Variants in OSBPL11 observed in about 807,000 individuals in gnomAD.
The protein encoded by OSBPL11 is oxysterol binding protein like 11, also known as oxysterol-binding protein-related protein 11.
In OSBPL11, 33 loss-of-function variants were observed where a neutral mutation model predicts 84.4. The observed-to-expected ratio is 0.39, with a 90% CI of 0.30 to 0.52. OSBPL11 has a LOEUF of 0.52. OSBPL11 is among the 20% of genes least tolerant of loss of function. The pLI is 0.72. For missense variants in OSBPL11, 736 were observed against 901.1 expected (o/e 0.82, Z 2.35); for synonymous variants, 276 against 310.2 (o/e 0.89, Z 1.16).
chr3:125,552,199 C>A lies in OSBPL11; in HGVS notation c.1636G>T (p.Val546Leu), dbSNP rs779271741. 1 of 1,601,582 alleles carries A rather than the reference C, an allele frequency of 6.2e-7. No homozygotes were observed. Residue 546 changes from valine to leucine, a missense_variant, in exon 9 of 13, where the codon GTG becomes TTG. Val to Leu is a conservative substitution (Grantham distance 32). This residue lies in a region of OSBPL11 where 579 missense variants were observed against 717.6 expected (regional missense o/e 0.81). Transcript: ENST00000296220. ...TACTTACCTTCTCCAACCATTGTCA[C>A]GCCTATTGACATGCCTAAGAACTTG... ...KSKFLGMSIGVTMVGEGILSL... is the reference protein window; with the variant it reads ...KSKFLGMSIGLTMVGEGILSL...
chr3:125,592,348 C>T (rs1368033663), intron 1 of OSBPL11, among the ~76,000 whole-genome samples: 3 of 152,034 alleles, frequency 2.0e-5, no homozygotes, highest in African/African-American at 7.2e-5. Context: ...CAGCCAAAAC[C>T]AAGTACTTAT....
chr3:125,570,611 G>A (rs978990887), intron 5 of OSBPL11, among the ~76,000 whole-genome samples: 1 of 152,146 alleles, frequency 6.6e-6, no homozygotes, highest in Non-Finnish European at 1.5e-5. Context: ...CTGAATTATG[G>A]GGGAAGGTCT....
At chr3:125,559,439 A>G (rs984164975) in intron 8 of OSBPL11, among the ~76,000 whole-genome samples, 7 of 152,078 alleles carry the variant, frequency 4.6e-5, no homozygotes, top group African/African-American at 7.2e-5. Context: ...CCCAGACTGG[A>G]GCGCAGTGGC....
intron 2 of OSBPL11, 97 bp from the exon 3 acceptor site, chr3:125,580,137 C>T (rs547815395): frequency 1.9e-6 from 2 of 1,030,462 alleles, no homozygotes; most frequent in South Asian, 3.2e-5. Flanking sequence ...CAGGGTTTTG[C>T]TCTTAAAAAT....
intron 1 of OSBPL11, among the ~76,000 whole-genome samples, chr3:125,593,492 C>T (rs914822808): frequency 2.0e-5 from 3 of 151,606 alleles, no homozygotes; most frequent in Admixed American, 6.6e-5. Context: ...TGGTGGCGCA[C>T]GCCTGTAATC....
At chr3:125,583,682 G>T (rs1284972272) in intron 1 of OSBPL11, among the ~76,000 whole-genome samples, 2 of 151,614 alleles carry the variant, frequency 1.3e-5, no homozygotes, top group African/African-American at 4.8e-5. Flanking sequence ...CTTGAGCCCA[G>T]GAGTTTGAAA....
intron 1 of OSBPL11, among the ~76,000 whole-genome samples, chr3:125,587,217 C>T (rs376276461): frequency 1.8e-4 from 27 of 152,194 alleles, no homozygotes; most frequent in African/African-American, 6.5e-4. Flanking sequence ...TGAAGTGAGA[C>T]AGAAAGAATG....
chr3:125,533,169 C>T (rs957975443), intron 11 of OSBPL11, among the ~76,000 whole-genome samples: 5 of 148,320 alleles, frequency 3.4e-5, no homozygotes, highest in African/African-American at 1.2e-4. Context: ...TTTCTTTCCT[C>T]CCCCCTTCCT....
intron 9 of OSBPL11, among the ~76,000 whole-genome samples, chr3:125,549,043 T>C (rs374031127): frequency 8.4e-4 from 128 of 151,610 alleles, no homozygotes; most frequent in African/African-American, 2.9e-3. Flanking sequence ...TTTTTTGAAA[T>C]GGAGTTTCAC....
Position 125,594,834 on chromosome 3 carries a change from G to T in OSBPL11, c.-34C>A, listed in dbSNP as rs1422516003. 6 of 1,603,996 alleles carry T rather than the reference G, an allele frequency of 3.7e-6. No homozygotes were observed. On this transcript the variant is annotated 5_prime_UTR_variant, in exon 1 of 13. Coordinates refer to ENST00000296220, the MANE Select transcript of OSBPL11 (RefSeq NM_022776.5). ...CAAAGTCCACTTGCCCTTCTTGAGC[G>T]GGAGAGAACAATTCTGTAGTTCTGT...
At chr3:125,583,608 G>C (rs1040826772) in intron 1 of OSBPL11, among the ~76,000 whole-genome samples, 3 of 129,836 alleles carry the variant, frequency 2.3e-5, no homozygotes, top group East Asian at 2.3e-4. Context: ...AAAAAAAAAA[G>C]GGCTGAGTGC....
chr3:125,563,581 A>T (rs1280861399), intron 7 of OSBPL11, 117 bp downstream of exon 7: 1 of 965,166 alleles, frequency 1.0e-6, no homozygotes, highest in Non-Finnish European at 1.6e-6. Flanking sequence ...TAGAATCTTC[A>T]AGAGTGTTGC....
chr3:125,582,573 G>A (rs1390950356), intron 2 of OSBPL11, among the ~76,000 whole-genome samples: 1 of 152,140 alleles, frequency 6.6e-6, no homozygotes, highest in Non-Finnish European at 1.5e-5. Context: ...CATAAGATGG[G>A]AACCTAACAC....
intron 6 of OSBPL11, among the ~76,000 whole-genome samples, chr3:125,565,012 G>A (rs1034737375): frequency 1.8e-4 from 27 of 152,198 alleles, no homozygotes; most frequent in African/African-American, 6.3e-4. Context: ...AATATCTAGT[G>A]CTGTGTTACT....
chr3:125,575,233 C>T (rs972388389), intron 5 of OSBPL11, among the ~76,000 whole-genome samples: 8 of 151,844 alleles, frequency 5.3e-5, no homozygotes, highest in African/African-American at 1.9e-4. Context: ...TAACAAACTG[C>T]GTGTTTTATT....
chr3:125,578,403 ATTT>A (rs1936364586), intron 4 of OSBPL11, among the ~76,000 whole-genome samples: 1 of 152,044 alleles, frequency 6.6e-6, no homozygotes, highest in South Asian at 2.1e-4. Context: ...GTGGCTCCGG[ATTT>A]TTTATTTTTT....
chr3:125,550,425 AAG>A (rs35797005), intron 9 of OSBPL11, among the ~76,000 whole-genome samples: 28 of 149,716 alleles, frequency 1.9e-4, no homozygotes, highest in African/African-American at 4.4e-4. Context: ...AAAAAAAAAA[AAG>A]AGAGTACTTT....
At position 125,536,077 on chromosome 3, in the gene OSBPL11, G is replaced by A. The variant is rs139879308; in HGVS notation, c.2024+2374C>T. ...TTGAGCCCAGGAGGCAGAGGTTGCA[G>A]TGAGCCGAGATCATGCCACTGCACT... On this transcript the variant is annotated intron_variant, in intron 11 of 12. Transcript: ENST00000296220. 9.5e-3 allele frequency among the ~76,000 whole-genome samples: 1,435 copies of A among 150,506 alleles called. 23 individuals carry two copies. Among genetic ancestry groups the A allele is most frequent in the African/African-American group, 0.033 (1,349 of 40,568 alleles).
At chr3:125,548,363 T>C (rs1287159725) in intron 9 of OSBPL11, among the ~76,000 whole-genome samples, 2 of 152,168 alleles carry the variant, frequency 1.3e-5, no homozygotes, top group African/African-American at 2.4e-5. Context: ...TTCTATTCTA[T>C]GTATATTAAG....
Sources: allele counts gnomAD v4.1 joint callset (sites outside exome capture counted in the v4.1 genomes callset), GRCh38; gene constraint gnomAD v4.1.1; regional missense constraint gnomAD v4.1.1; transcripts MANE v1.5; gene names NCBI Gene and HGNC (gene_info 2026-07-23, HGNC 2026-07-21).